The following BAIAP2 variants were observed in gnomAD, a reference collection of about 807,000 sequenced individuals.
The protein encoded by BAIAP2 is BAR/IMD domain-containing adapter protein 2.
A neutral mutation model predicts 63.0 loss-of-function variants in BAIAP2; 18 were observed. The ratio of observed to expected loss-of-function variants is 0.29; its 90% CI spans 0.20 to 0.42. The LOEUF is 0.42. Among genes scored for constraint, BAIAP2 ranks in the 10% least tolerant of loss-of-function variants. The pLI is 1.00. For synonymous variants in BAIAP2, 386 were observed against 307.6 expected, an observed-to-expected ratio of 1.25 and a Z score of -2.67; for missense variants, 610 against 734.3, an observed-to-expected ratio of 0.83 and a Z score of 1.96.
Position 81,116,208 on chromosome 17 carries a change from A to C in BAIAP2, c.*369A>C. ...TGCCCTGCTGCTTCTCCTGCCTAAT[A>C]AACAGGCTTCTCCTGCACCAGGTGT... On this transcript the variant is annotated 3_prime_UTR_variant, in exon 14 of 14. Transcript: ENST00000428708. 1 of 1,609,098 alleles carries C rather than the reference A, an allele frequency of 6.2e-7. No individual in the cohort carries two copies. The highest frequency in any genetic ancestry group is 8.5e-7 in the Non-Finnish European group (1 of 1,177,166).
At chr17:81,055,180 T>C (rs913444062) in intron 2 of BAIAP2, among the ~76,000 whole-genome samples, 7 of 152,174 alleles carry the variant, frequency 4.6e-5, no homozygotes, top group African/African-American at 1.4e-4. Context: ...GGGCAGGAGT[T>C]GGTCAGCCCT....
intron 3 of BAIAP2, among the ~76,000 whole-genome samples, chr17:81,081,913 T>C (rs920846456): frequency 6.6e-6 from 1 of 152,056 alleles, no homozygotes; most frequent in African/African-American, 2.4e-5. Context: ...TTGGAGCCGG[T>C]GGAAGTGATT....
At position 81,104,726 on chromosome 17, in the gene BAIAP2, C is replaced by G. The variant is rs368806968; in HGVS notation, c.1268+11C>G. On this transcript the variant is annotated intron_variant, in intron 10 of 13. Transcript: ENST00000428708. Reference sequence around the variant, plus strand: ...TGAGAAGACCAAGATGTGAGTGTTTCTCGGGGGCGGGCTCCAGGCAGCCGC... The same window carrying G: ...TGAGAAGACCAAGATGTGAGTGTTTGTCGGGGGCGGGCTCCAGGCAGCCGC... 1.3e-6 allele frequency: 2 copies of G among 1,554,906 alleles called. No homozygotes were observed. Among genetic ancestry groups the G allele is most frequent in the South Asian group, 1.2e-5 (1 of 85,396 alleles).
chr17:81,060,948 C>T (rs552956942), intron 3 of BAIAP2, among the ~76,000 whole-genome samples: 22 of 152,006 alleles, frequency 1.4e-4, no homozygotes, highest in Non-Finnish European at 2.9e-4. Flanking sequence ...CATGGTGAAA[C>T]CCCCATCTCT....
intron 3 of BAIAP2, among the ~76,000 whole-genome samples, chr17:81,084,114 A>G (rs914547508): frequency 5.3e-5 from 8 of 152,296 alleles, no homozygotes; most frequent in Admixed American, 3.3e-4. Context: ...CATTTTGCAC[A>G]CGGGCCGAGG....
chr17:81,088,497 T>C (rs1568144397), intron 6 of BAIAP2, among the ~76,000 whole-genome samples: 1 of 152,368 alleles, frequency 6.6e-6, no homozygotes, highest in East Asian at 1.9e-4. Flanking sequence ...AGAGCATTTT[T>C]CAATCAGCAG....
intron 1 of BAIAP2, among the ~76,000 whole-genome samples, chr17:81,044,416 A>G (rs1811651698): frequency 6.6e-6 from 1 of 152,240 alleles, no homozygotes; most frequent in Admixed American, 6.5e-5. Context: ...CGGCCGTGGC[A>G]CCTGGCTCGT....
intron 13 of BAIAP2, among the ~76,000 whole-genome samples, chr17:81,111,581 G>C (rs956932068): frequency 2.1e-4 from 32 of 151,518 alleles, no homozygotes; most frequent in African/African-American, 7.3e-4. Context: ...GGGCTGCTGG[G>C]TCCAGGTTTG....
At chr17:81,069,338 A>T (rs1197212011) in intron 3 of BAIAP2, among the ~76,000 whole-genome samples, 1 of 152,202 alleles carries the variant, frequency 6.6e-6, no homozygotes, top group East Asian at 1.9e-4. Context: ...GCGGGCACAG[A>T]TAGTCCTGGA....
At chr17:81,073,793 C>T (rs1165571982) in intron 3 of BAIAP2, among the ~76,000 whole-genome samples, 1 of 152,192 alleles carries the variant, frequency 6.6e-6, no homozygotes. Context: ...GTTGTGAAAG[C>T]CGAAGTGTGA....
chr17:81,057,568 C>A, intron 2 of BAIAP2: 1 of 999,770 alleles, frequency 1.0e-6, no homozygotes, highest in Non-Finnish European at 1.2e-6. Flanking sequence ...TACAACACTC[C>A]CTCCCCCCGG....
intron 2 of BAIAP2, 33 bp from the exon 3 acceptor site, chr17:81,057,848 A>G: frequency 1.9e-6 from 3 of 1,598,774 alleles, no homozygotes; most frequent in Non-Finnish European, 2.6e-6. Flanking sequence ...TCCCTCGTGG[A>G]GGAAATAACT....
chr17:81,116,283 C>CAG lies in BAIAP2; in HGVS notation c.*444_*445insAG, dbSNP rs764788203. 284 of 1,612,764 alleles carry CAG rather than the reference C, an allele frequency of 1.8e-4. No homozygotes were observed. Among genetic ancestry groups the CAG allele is most frequent in the Non-Finnish European group, 2.3e-4 (277 of 1,179,946 alleles). ...GGCCGGGAGCACGGGGATGGGAGCG[C>CAG]CCGCACCCTGGCTGGAAGATGAACT... On this transcript the variant is annotated 3_prime_UTR_variant, in exon 14 of 14. Transcript: ENST00000428708.
intron 6 of BAIAP2, among the ~76,000 whole-genome samples, chr17:81,093,938 C>CCCA (rs2057234584): frequency 6.6e-6 from 1 of 151,334 alleles, no homozygotes; most frequent in Non-Finnish European, 1.5e-5. Flanking sequence ...ACCCCTCCCC[C>CCCA]CCACCACCCC....
chr17:81,109,007 A>AC (rs1353255633), intron 13 of BAIAP2: 3 of 1,545,366 alleles, frequency 1.9e-6, no homozygotes, highest in Non-Finnish European at 2.6e-6. Flanking sequence ...GAGGACGCTG[A>AC]CCCCGGGCAG....
chr17:81,088,987 G>A (rs1438315708), intron 6 of BAIAP2, among the ~76,000 whole-genome samples: 2 of 152,222 alleles, frequency 1.3e-5, no homozygotes, highest in Non-Finnish European at 2.9e-5. Context: ...TGGTTTTCAG[G>A]TGCCCTGCCT....
intron 13 of BAIAP2, chr17:81,109,530 G>C: frequency 4.1e-6 from 4 of 985,618 alleles, no homozygotes; most frequent in Non-Finnish European, 4.8e-6. Context: ...CAGGGAAGGT[G>C]CTGGGGTCCC....
intron 1 of BAIAP2, among the ~76,000 whole-genome samples, chr17:81,049,523 C>T (rs969061512): frequency 6.6e-6 from 1 of 152,228 alleles, no homozygotes; most frequent in African/African-American, 2.4e-5. Flanking sequence ...TTAAAGCCCA[C>T]AGACTTTCCC....
At chr17:81,044,422 C>G (rs984075463) in intron 1 of BAIAP2, among the ~76,000 whole-genome samples, 1 of 152,234 alleles carries the variant, frequency 6.6e-6, no homozygotes, top group Admixed American at 6.5e-5. Context: ...TGGCACCTGG[C>G]TCGTCCCTAT....
Sources: gnomAD v4.1 joint callset for allele counts (sites outside exome capture counted in the v4.1 genomes callset) on GRCh38, gnomAD v4.1.1 for gene constraint, MANE v1.5 for transcripts, NCBI Gene and HGNC (gene_info 2026-07-23, HGNC 2026-07-21) for gene names.